Variants in PCSK7 observed in about 807,000 individuals in gnomAD.
PCSK7 encodes proprotein convertase subtilisin/kexin type 7, also known as lymphoma proprotein convertase.
Under a neutral mutation model 73.3 loss-of-function variants are expected in PCSK7, and 38 were observed. The observed-to-expected ratio is 0.52, with a 90% confidence interval of 0.40 to 0.68. The LOEUF is 0.68. PCSK7 is among the 30% of genes least tolerant of loss of function. The pLI is 0.00. For synonymous variants in PCSK7, 296 were observed against 383.8 expected (o/e 0.77, Z 2.68); for missense variants, 692 against 991.5 (o/e 0.70, Z 4.06).
chr11:117,216,419 C>G (rs2031983976), intron 12 of PCSK7: 2 of 149,416 alleles, frequency 1.3e-5, no homozygotes, highest in Non-Finnish European at 2.9e-5. Context: ...TGGGACTGAG[C>G]TGCTCAACTC....
chr11:117,220,748 A>T (rs1474156904), intron 9 of PCSK7: 1 of 152,312 alleles, frequency 6.6e-6, no homozygotes, highest in Non-Finnish European at 1.5e-5. Context: ...GGCTGGAATG[A>T]TGTCGGCGTG....
At chr11:117,214,405 T>C (rs36055668) in intron 12 of PCSK7, 5,172 of 130,726 alleles carry the variant, frequency 0.04, 134 homozygotes, top group Non-Finnish European at 0.059. Flanking sequence ...AGGAGGATGA[T>C]GTAGAGTGAG....
Position 117,217,201 on chromosome 11 carries a change from C to T in PCSK7, c.1534+1265G>A, listed in dbSNP as rs934494393. On this transcript the variant is annotated intron_variant, in intron 12 of 16. Transcript: ENST00000320934. ...GCCTCAATGCCTAGGGTAGACATTC[C>T]GTGGCAACGTCCCCTGGTCAGCAGG... 3.3e-5 allele frequency: 5 copies of T among 152,180 alleles called. No individual in the cohort carries two copies. In the East Asian group the frequency reaches 5.8e-4, roughly 18 times the overall value. The allele number at this position is 152,180 out of a possible 1,614,324, so 9.4% of individuals were successfully genotyped here.
chr11:117,228,374 T>A (rs770851569), intron 3 of PCSK7, 24 bp from the exon 4 acceptor site: 2 of 1,611,364 alleles, frequency 1.2e-6, no homozygotes, highest in Admixed American at 1.7e-5. Context: ...AGGATGGGAA[T>A]ACAGTGACAC....
chr11:117,219,634 G>A lies in PCSK7; in HGVS notation c.1280C>T (p.Thr427Met), dbSNP rs748507100. Reference sequence around the variant, plus strand: ...AATGATGTGCTGGACGTCACGCCACGTGAGGCAGGGCCGCACCTGCAGCAT... The same window carrying A: ...AATGATGTGCTGGACGTCACGCCACATGAGGCAGGGCCGCACCTGCAGCAT... ...ALMLQVRPCL[T>M]WRDVQHIIVF... The change falls in exon 10 of 17, where the codon ACG becomes ATG. Residue 427 changes from threonine to methionine, a missense_variant. Coordinates refer to ENST00000320934, the MANE Select transcript of PCSK7 (RefSeq NM_004716.4). The A allele has an allele frequency of 1.6e-5, 26 of 1,612,400 alleles. No individual in the cohort carries two copies. The highest frequency in any genetic ancestry group is 2.2e-5 in the East Asian group (1 of 44,736).
Position 117,205,173 on chromosome 11 carries a change from C to G in PCSK7, c.*824G>C, listed in dbSNP as rs554939779. The G allele has an allele frequency of 4.3e-6, 1 of 233,130 alleles. No homozygotes were observed. The highest frequency in any genetic ancestry group is 1.8e-4 in the South Asian group (1 of 5,530). The allele number at this position is 233,130 out of a possible 1,614,324, so 14.4% of individuals were successfully genotyped here. ...CAAATCTTAAGCATTAAAAAAAATT[C>G]AACCAACTAGCTCAGAAGAGGGGAG... On this transcript the variant is annotated 3_prime_UTR_variant, in exon 17 of 17. Coordinates refer to ENST00000320934, the MANE Select transcript of PCSK7 (RefSeq NM_004716.4).
At chr11:117,220,352 C>T (rs935941223) in intron 9 of PCSK7, 1 of 152,588 alleles carries the variant, frequency 6.6e-6, no homozygotes, top group African/African-American at 2.4e-5. Context: ...CAGCGATCCT[C>T]CTGCTTCAGC....
chr11:117,219,538 C>G, intron 10 of PCSK7, 53 bp downstream of exon 10: 2 of 1,556,600 alleles, frequency 1.3e-6, no homozygotes, highest in Non-Finnish European at 1.7e-6. Flanking sequence ...ACCTGATACC[C>G]GAACTCTGGA....
chr11:117,206,948 C>T, intron 15 of PCSK7, 119 bp downstream of exon 15: 2 of 1,285,184 alleles, frequency 1.6e-6, no homozygotes, highest in South Asian at 1.2e-5. Flanking sequence ...CCCGGGGCTC[C>T]ATCTACCGGC....
intron 3 of PCSK7, among the ~76,000 whole-genome samples, chr11:117,228,612 CTT>C (rs751494008): frequency 6.1e-5 from 8 of 132,102 alleles, no homozygotes; most frequent in Admixed American, 1.6e-4. Flanking sequence ...TGATACACTT[CTT>C]TTTTTTTTTT....
At position 117,219,828 on chromosome 11, in the gene PCSK7, A is replaced by G. The variant is rs530905720; in HGVS notation, c.1156-70T>C. 7 of 1,265,512 alleles carry G rather than the reference A, an allele frequency of 5.5e-6. No homozygotes were observed. The East Asian group carries it at 1.6e-4, about 29-fold the overall frequency. 78.4% of individuals were successfully genotyped at this position (1,265,512 alleles called of 1,614,324 possible). A position where few individuals can be genotyped will look rare whatever the true frequency, so the allele number is the denominator to read the frequency against. ...AAGCTGGGGACAGTGGTGTGCACCT[A>G]TAGTCCCGGCTACCTGGGAGGCCCA... On this transcript the variant is annotated intron_variant, in intron 9 of 16. Transcript: ENST00000320934.
In PCSK7 at chr11:117,228,361, G is replaced by A; in HGVS notation, c.469-11C>T. On this transcript the variant is annotated splice_polypyrimidine_tract_variant and intron_variant, in intron 3 of 16. Coordinates refer to ENST00000320934, the MANE Select transcript of PCSK7 (RefSeq NM_004716.4). ...GCTCCGTCGGTTATTCTGTAAGAGAGACAGGATGGGAATACAGTGACACAT... is the reference window on the plus strand; with the variant it reads ...GCTCCGTCGGTTATTCTGTAAGAGAAACAGGATGGGAATACAGTGACACAT... 1 of 1,613,206 alleles carries A rather than the reference G, an allele frequency of 6.2e-7. No homozygotes were observed. The highest frequency in any genetic ancestry group is 1.3e-5 in the African/African-American group (1 of 75,028).
chr11:117,206,986 G>A (rs2031450406), intron 15 of PCSK7, 81 bp downstream of exon 15: 1 of 1,477,252 alleles, frequency 6.8e-7, no homozygotes, highest in Non-Finnish European at 9.4e-7. Context: ...AAGCACAGCT[G>A]GGGTTCAGAG....
At chr11:117,223,365 G>A in intron 8 of PCSK7, 57 bp from the exon 9 acceptor site, 1 of 1,034,926 alleles carries the variant, frequency 9.7e-7, no homozygotes, top group Non-Finnish European at 1.5e-6. Flanking sequence ...TGTGGCAGGG[G>A]CTTGCTAATG....
chr11:117,219,214 C>G, intron 10 of PCSK7, 50 bp from the exon 11 acceptor site: 1 of 1,312,686 alleles, frequency 7.6e-7, no homozygotes. Flanking sequence ...AGTGTAGTCT[C>G]AACAATCTGA....
rs781299757 is a variant in PCSK7 at position 117,208,922 on chromosome 11, T to C, written c.1666A>G (p.Ile556Val). ...GAGTCCATGCTGCGGGGGGCGCCGA[T>C]GAGGGACATCATGCCACTGGGGCAG... The part of the protein sequence containing the change: ...LFCPSGMMSL[I>V]GAPRSMDSDP... Residue 556 changes from isoleucine (I) to valine (V), a missense_variant, in exon 13 of 17, where the codon ATC becomes GTC. This residue lies in a region of PCSK7 where 20 missense variants were observed against 32.1 expected (regional missense o/e 0.62). Transcript: ENST00000320934. 2.5e-6 allele frequency: 4 copies of C among 1,612,902 alleles called. No individual in the cohort carries two copies. The highest frequency in any genetic ancestry group is 3.3e-5 in the Admixed American group (2 of 59,966).
Position 117,218,832 on chromosome 11 carries a change from G to T in PCSK7, c.1431+225C>A. On this transcript the variant is annotated intron_variant, in intron 11 of 16. Coordinates refer to ENST00000320934, the MANE Select transcript of PCSK7 (RefSeq NM_004716.4). This position sits in a 1 kb window ranked among gnomAD's most constrained non-coding sequence, Gnocchi z 4.0. ...GCATCCTGAGTCCCACACATACTCA[G>T]GTCCCATTTACTCTATTAGTAGTTT... 3 of 578,278 alleles carry T rather than the reference G, an allele frequency of 5.2e-6. No individual in the cohort carries two copies. The highest frequency in any genetic ancestry group is 9.3e-6 in the Non-Finnish European group (3 of 324,006). The allele number at this position is 578,278 out of a possible 1,614,324, so 35.8% of individuals were successfully genotyped here. A position where few individuals can be genotyped will look rare whatever the true frequency, so the allele number is the denominator to read the frequency against.
At chr11:117,215,380 G>GTGTGTGTGTGTGTGTGTA (rs1164738557) in intron 12 of PCSK7, 1 of 55,896 alleles carries the variant, frequency 1.8e-5, no homozygotes, top group Non-Finnish European at 2.8e-5. Flanking sequence ...GTGTGTGTGT[G>GTGTGTGTGTGTGTGTGTA]TATATATATA....
At chr11:117,223,578 A>C in intron 8 of PCSK7, 2 of 503,774 alleles carry the variant, frequency 4.0e-6, no homozygotes, top group Non-Finnish European at 7.1e-6. Flanking sequence ...CCACTTATTC[A>C]TTCACATGCT....
Sources: gnomAD v4.1 joint callset for allele counts (sites outside exome capture counted in the v4.1 genomes callset) on GRCh38, gnomAD v4.1.1 for gene constraint, gnomAD v4.1.1 regional missense constraint, Gnocchi (gnomAD v3.1) non-coding constraint, MANE v1.5 for transcripts, NCBI Gene and HGNC (gene_info 2026-07-23, HGNC 2026-07-21) for gene names.